The following PARP12 variants were observed in gnomAD, a reference collection of about 807,000 sequenced individuals.
PARP12 encodes poly(ADP-ribose) polymerase family member 12, also known as protein mono-ADP-ribosyltransferase PARP12.
Under a neutral mutation model 72.4 loss-of-function variants are expected in PARP12, and 59 were observed. The ratio of observed to expected loss-of-function variants is 0.81; its 90% confidence interval spans 0.66 to 1.01. The LOEUF (loss-of-function observed/expected upper bound fraction) is 1.01. Ranked by LOEUF, PARP12 falls within the 50% of genes least tolerant of loss-of-function variation. The probability of loss-of-function intolerance (pLI) is 0.00; values close to 1 mark genes in which losing one functional copy is unlikely to be tolerated. For synonymous variants in PARP12, 403 were observed against 371.4 expected, an observed-to-expected ratio of 1.09 and a Z score of -0.98; for missense variants, 851 against 914.0, an observed-to-expected ratio of 0.93 and a Z score of 0.89.
chr7:140,047,972 A>T (rs1158394940), intron 4 of PARP12, among the ~76,000 whole-genome samples: 2 of 152,150 alleles, frequency 1.3e-5, no homozygotes, highest in East Asian at 3.9e-4. Context: ...TTATTTAATG[A>T]GAGTAAGAAG....
At position 140,054,538 on chromosome 7, in the gene PARP12, C is replaced by T. The variant is rs550960858; in HGVS notation, c.862+124G>A. On this transcript the variant is annotated intron_variant, in intron 4 of 11. Coordinates refer to ENST00000263549, the MANE Select transcript of PARP12 (RefSeq NM_022750.4). ...CTTCAGAATTGGTTTGGCCAAAGTG[C>T]CAAGCCCTGATCCTCTCCGGATGGG... The T allele has an allele frequency of 5.1e-4, 388 of 760,310 alleles. 1 individual carries two copies. The highest frequency in any genetic ancestry group is 6.7e-4 in the Non-Finnish European group (307 of 456,512). The allele number at this position is 760,310 out of a possible 1,614,324, so 47.1% of individuals were successfully genotyped here.
In PARP12 at chr7:140,035,395, G is replaced by A. The variant is rs560497102; in HGVS notation, c.1325-1064C>T. On this transcript the variant is annotated intron_variant, in intron 7 of 11. Coordinates refer to ENST00000263549, the MANE Select transcript of PARP12 (RefSeq NM_022750.4). ...ATGGCTTTCACTGGTGAAATTAAAA[G>A]TGAGCTAAGATACGTGGACTGGCTA... Among the ~76,000 whole-genome samples, 270 of 152,312 alleles carry A rather than the reference G, an allele frequency of 1.8e-3. 5 individuals are homozygous for A. The highest frequency in any genetic ancestry group is 9.0e-4 in the Non-Finnish European group (61 of 68,034).
chr7:140,033,986 GTC>G, intron 8 of PARP12: 1 of 1,104,086 alleles, frequency 9.1e-7, no homozygotes, highest in Non-Finnish European at 1.1e-6. Context: ...TTCAGAGTCT[GTC>G]TTCTCCAGAG....
chr7:140,023,803 T>C lies in PARP12; in HGVS notation c.*757A>G, dbSNP rs1400399710. ...TCTTTTGTGACATGTGTGGCACAAG[T>C]ATTCAATCTCACAGGGATGTTAAAA... On this transcript the variant is annotated 3_prime_UTR_variant, in exon 12 of 12. Coordinates refer to ENST00000263549, the MANE Select transcript of PARP12 (RefSeq NM_022750.4). 6.5e-6 allele frequency: 1 copy of C among 153,068 alleles called. No individual in the cohort carries two copies. The highest frequency in any genetic ancestry group is 2.4e-5 in the African/African-American group (1 of 41,476). The allele number at this position is 153,068 out of a possible 1,614,324, so 9.5% of individuals were successfully genotyped here. A position where few individuals can be genotyped will look rare whatever the true frequency, so the allele number is the denominator to read the frequency against.
chr7:140,043,236 TGAGCTCAAAATC>T (rs1816570961), intron 5 of PARP12, among the ~76,000 whole-genome samples: 2 of 152,038 alleles, frequency 1.3e-5, no homozygotes. Flanking sequence ...AAATCAAACA[TGAGCTCAAAATC>T]GATCACAAAA....
At chr7:140,025,310 A>G (rs1028653047) in intron 11 of PARP12, 38 of 295,412 alleles carry the variant, frequency 1.3e-4, no homozygotes, top group African/African-American at 6.1e-4. Context: ...AGCCCAATGT[A>G]TAGAATTATG....
chr7:140,032,277 A>G (rs116783272), intron 8 of PARP12, among the ~76,000 whole-genome samples: 246 of 152,082 alleles, frequency 1.6e-3, no homozygotes, highest in African/African-American at 5.5e-3. Flanking sequence ...ATTCAAGCCC[A>G]TGGAAAGGAA....
At chr7:140,035,024 C>G (rs1816094924) in intron 7 of PARP12, among the ~76,000 whole-genome samples, 1 of 152,192 alleles carries the variant, frequency 6.6e-6, no homozygotes, top group South Asian at 2.1e-4. Flanking sequence ...ATCCTCCCAC[C>G]TCAGCCTCCC....
At chr7:140,039,949 C>T (rs993653990) in intron 6 of PARP12, among the ~76,000 whole-genome samples, 9 of 152,176 alleles carry the variant, frequency 5.9e-5, no homozygotes, top group East Asian at 1.9e-4. Flanking sequence ...GAAAGGGGCA[C>T]GCTCCAGGTG....
At chr7:140,030,323 C>T (rs566329213) in intron 8 of PARP12, among the ~76,000 whole-genome samples, 15 of 152,324 alleles carry the variant, frequency 9.8e-5, no homozygotes, top group African/African-American at 2.9e-4. Context: ...GTTGGCCAGG[C>T]GCAGTGGCCC....
At chr7:140,027,524 T>C in intron 9 of PARP12, 118 bp from the exon 10 acceptor site, 3 of 1,262,112 alleles carry the variant, frequency 2.4e-6, no homozygotes, top group Non-Finnish European at 3.3e-6. Context: ...CAGAGAGCAG[T>C]GACCACATTC....
intron 4 of PARP12, among the ~76,000 whole-genome samples, chr7:140,053,038 T>C (rs1399041312): frequency 6.6e-6 from 1 of 152,152 alleles, no homozygotes; most frequent in Non-Finnish European, 1.5e-5. Flanking sequence ...TGGAAGACAG[T>C]TTGGCAGTTT....
chr7:140,041,689 C>G lies in PARP12; in HGVS notation c.1137G>C (p.Trp379Cys). 6.2e-7 allele frequency: 1 copy of G among 1,614,116 alleles called. No homozygotes were observed. Among genetic ancestry groups the G allele is most frequent in the South Asian group, 1.1e-5 (1 of 91,082 alleles). Residue 379 changes from tryptophan to cysteine, a missense_variant, in exon 6 of 12, where the codon TGG becomes TGC. Around this residue, in one of 3 missense-constraint regions of PARP12, gnomAD observed 12 missense variants for 28.6 expected, o/e 0.42. Transcript: ENST00000263549. ...AAGAACCAAACTCATCACTCCAGTACCAAATCCAGTCAGTGGTGAGGATGA... is the reference window on the plus strand; with the variant it reads ...AAGAACCAAACTCATCACTCCAGTAGCAAATCCAGTCAGTGGTGAGGATGA... ...PHFILTTDWIWYWSDEFGSWQ... is the reference protein window; with the variant it reads ...PHFILTTDWICYWSDEFGSWQ...
intron 4 of PARP12, among the ~76,000 whole-genome samples, chr7:140,047,369 C>T (rs900341278): frequency 1.2e-4 from 18 of 152,148 alleles, no homozygotes; most frequent in African/African-American, 2.9e-4. Flanking sequence ...TAAGAGGAAG[C>T]GAGACCTGAG....
intron 6 of PARP12, chr7:140,038,154 G>A (rs541730341): frequency 2.6e-5 from 26 of 985,322 alleles, no homozygotes; most frequent in Non-Finnish European, 3.0e-5. Flanking sequence ...CAGAGGACAC[G>A]GCAGCCATTC....
At chr7:140,026,412 G>A (rs1815740691) in intron 10 of PARP12, 64 bp from the exon 11 acceptor site, 2 of 1,547,434 alleles carry the variant, frequency 1.3e-6, no homozygotes, top group Admixed American at 1.9e-5. Flanking sequence ...CAGCCGGCCT[G>A]ATGCAAAACA....
rs537796103 is a variant in PARP12 at position 140,053,663 on chromosome 7, T to C, written c.862+999A>G. On this transcript the variant is annotated intron_variant, in intron 4 of 11. Transcript: ENST00000263549. ...TATATAGCTCATATTCCTTGACCTA[T>C]CATTCCATTCCCCAGAATCTATCTA... 2.6e-5 allele frequency among the ~76,000 whole-genome samples: 4 copies of C among 152,294 alleles called. No homozygotes were observed. The South Asian group carries it at 6.2e-4, about 24-fold the overall frequency.
At chr7:140,039,225 T>C (rs1228445398) in intron 6 of PARP12, among the ~76,000 whole-genome samples, 1 of 152,158 alleles carries the variant, frequency 6.6e-6, no homozygotes, top group Non-Finnish European at 1.5e-5. Context: ...TAAAAATCCC[T>C]TTCTGACAAC....
At chr7:140,034,213 C>G (rs1816057119) in intron 8 of PARP12, 22 bp downstream of exon 8, 6 of 1,607,894 alleles carry the variant, frequency 3.7e-6, no homozygotes, top group Non-Finnish European at 5.1e-6. Flanking sequence ...TCCTAAGTAC[C>G]AAGCCCCCCA....
Sources: gnomAD v4.1 joint callset for allele counts (sites outside exome capture counted in the v4.1 genomes callset) on GRCh38, gnomAD v4.1.1 for gene constraint, gnomAD v4.1.1 regional missense constraint, MANE v1.5 for transcripts, NCBI Gene and HGNC (gene_info 2026-07-23, HGNC 2026-07-21) for gene names.